AGAP1: variants seen among roughly 807,000 people sequenced by gnomAD.
The protein encoded by AGAP1 is arf-GAP with GTPase, ANK repeat and PH domain-containing protein 1.
A neutral mutation model predicts 105.3 loss-of-function variants in AGAP1; 29 were observed. That is an observed-to-expected ratio of 0.28 (90% CI 0.21 to 0.38). AGAP1 has a LOEUF of 0.38. Ranked by LOEUF, AGAP1 falls within the 10% of genes least tolerant of loss-of-function variation. AGAP1 has a pLI of 1.00. For synonymous variants in AGAP1, 509 were observed against 485.9 expected, an observed-to-expected ratio of 1.05 and a Z score of -0.63; for missense variants, 998 against 1,165.1, an observed-to-expected ratio of 0.86 and a Z score of 2.09.
rs184447819 is a variant in AGAP1 at position 235,739,356 on chromosome 2, T to A, written c.311-1607T>A. On this transcript the variant is annotated intron_variant, in intron 3 of 17. Transcript: ENST00000304032. The surrounding 1 kb of genome is among the most constrained non-coding windows in gnomAD (Gnocchi z 5.3). ...GCTAGAAAAGCATTTCTTTTTTGCCTACGAGGACTCTCGATTCAGGGACCC... is the reference window on the plus strand; with the variant it reads ...GCTAGAAAAGCATTTCTTTTTTGCCAACGAGGACTCTCGATTCAGGGACCC... Among the ~76,000 whole-genome samples, 48 of 152,360 alleles carry A rather than the reference T, an allele frequency of 3.2e-4. No individual in the cohort carries two copies. The highest frequency in any genetic ancestry group is 9.9e-4 in the African/African-American group (41 of 41,594).
At chr2:235,775,527 GCT>G (rs1282234488) in intron 6 of AGAP1, 1 of 152,044 alleles carries the variant, frequency 6.6e-6, no homozygotes, top group East Asian at 1.9e-4. Flanking sequence ...AATGTACTTT[GCT>G]CTGTTATTGT....
chr2:235,969,010 A>C (rs1274674411), intron 13 of AGAP1, among the ~76,000 whole-genome samples: 1 of 152,180 alleles, frequency 6.6e-6, no homozygotes, highest in Non-Finnish European at 1.5e-5. Flanking sequence ...CTAGTTTAGG[A>C]ATCATCTCTG....
At position 236,062,654 on chromosome 2, in the gene AGAP1, GTTTGTTTGTT is replaced by G. The variant is rs201460821; in HGVS notation, c.2114+13385_2114+13394del. ...CCACACTCAGCTATTTTGTTTGTTT[GTTTGTTTGTT>G]TTTGTTTGTTTGTTTGAGATGGAAT... On this transcript the variant is annotated intron_variant, in intron 16 of 17. Coordinates refer to ENST00000304032, the MANE Select transcript of AGAP1 (RefSeq NM_001037131.3). This position sits in a 1 kb window ranked among gnomAD's most constrained non-coding sequence, Gnocchi z 4.2. 9.2e-3 allele frequency among the ~76,000 whole-genome samples: 1,399 copies of G among 151,414 alleles called. 19 individuals carry two copies. The highest frequency in any genetic ancestry group is 0.031 in the African/African-American group (1,295 of 41,180).
At position 236,009,492 on chromosome 2, in the gene AGAP1, G is replaced by A. The variant is rs1008212056; in HGVS notation, c.1646-27069G>A. ...CAACAGTGACATTTATACTGATGGC[G>A]TCTTTTTAAATAAATTAATACATGT... is the stretch of plus-strand genomic sequence containing the variant. On this transcript the variant is annotated intron_variant, in intron 13 of 17. Coordinates refer to ENST00000304032, the MANE Select transcript of AGAP1 (RefSeq NM_001037131.3). The surrounding 1 kb of genome is among the most constrained non-coding windows in gnomAD (Gnocchi z 4.2). Among the ~76,000 whole-genome samples, 2 of 152,286 alleles carry A rather than the reference G, an allele frequency of 1.3e-5. No individual in the cohort carries two copies. The highest frequency in any genetic ancestry group is 4.8e-5 in the African/African-American group (2 of 41,560).
intron 12 of AGAP1, among the ~76,000 whole-genome samples, chr2:235,955,852 G>A (rs2053924880): frequency 1.3e-5 from 2 of 152,156 alleles, no homozygotes; most frequent in African/African-American, 2.4e-5. Flanking sequence ...GTGGCCAGGT[G>A]CATTCAGGAC....
At chr2:235,913,399 T>A (rs955472569) in intron 11 of AGAP1, among the ~76,000 whole-genome samples, 1 of 152,222 alleles carries the variant, frequency 6.6e-6, no homozygotes. Flanking sequence ...CTAATTGAAT[T>A]TTTTATTCAA....
At chr2:235,819,904 C>CTTTTTTTTTTT (rs1179307250) in intron 9 of AGAP1, among the ~76,000 whole-genome samples, 2 of 130,272 alleles carry the variant, frequency 1.5e-5, no homozygotes, top group Non-Finnish European at 1.6e-5. Context: ...TTCTTTCTTT[C>CTTTTTTTTTTT]TTTTTTTTTT....
intron 12 of AGAP1, among the ~76,000 whole-genome samples, chr2:235,948,652 A>G (rs571765082): frequency 1.6e-4 from 25 of 152,258 alleles, no homozygotes; most frequent in African/African-American, 5.8e-4. Context: ...TTGTAGCGCT[A>G]GAGATGGGTC....
intron 9 of AGAP1, among the ~76,000 whole-genome samples, chr2:235,832,587 G>T (rs1959560581): frequency 6.6e-6 from 1 of 152,214 alleles, no homozygotes; most frequent in South Asian, 2.1e-4. Context: ...AGACATTCTA[G>T]ACTTCATTGC....
chr2:235,782,325 A>G (rs1226825959), intron 6 of AGAP1, among the ~76,000 whole-genome samples: 1 of 151,936 alleles, frequency 6.6e-6, no homozygotes, highest in Non-Finnish European at 1.5e-5. Context: ...TGTCTTTACC[A>G]TCTTTCTCAT....
At chr2:235,840,716 A>T (rs1211936737) in intron 9 of AGAP1, among the ~76,000 whole-genome samples, 1 of 151,914 alleles carries the variant, frequency 6.6e-6, no homozygotes, top group African/African-American at 2.4e-5. Context: ...AGTAGAATAG[A>T]TAGGACCGAT....
chr2:235,670,796 AAG>A, intron 1 of AGAP1: 1 of 1,356,738 alleles, frequency 7.4e-7, no homozygotes. Context: ...GGAACGCAGT[AAG>A]AGCAAGAACC....
At position 236,127,350 on chromosome 2, in the gene AGAP1, A is replaced by G. The variant is rs897287825; in HGVS notation, c.*3228A>G. 2.6e-5 allele frequency: 4 copies of G among 152,232 alleles called. No individual in the cohort carries two copies. Among genetic ancestry groups the G allele is most frequent in the African/African-American group, 9.7e-5 (4 of 41,442 alleles). The allele number at this position is 152,232 out of a possible 1,614,324, so 9.4% of individuals were successfully genotyped here. On this transcript the variant is annotated 3_prime_UTR_variant, in exon 18 of 18. Transcript: ENST00000304032. This position sits in a 1 kb window ranked among gnomAD's most constrained non-coding sequence, Gnocchi z 6.6. The stretch of plus-strand genomic sequence containing the variant: ...GGAAATGAGCAGCTCGAGGGTGAGC[A>G]AGTGACAAGTTCCTGAGTCACTGGC...
chr2:235,968,334 T>C (rs778210332), intron 12 of AGAP1, 128 bp from the exon 13 acceptor site: 10 of 1,235,930 alleles, frequency 8.1e-6, no homozygotes, highest in Non-Finnish European at 1.1e-5. Flanking sequence ...AATACAGTAA[T>C]GGGATGTTAT....
chr2:235,681,434 G>A (rs1356998803), intron 1 of AGAP1, among the ~76,000 whole-genome samples: 1 of 152,142 alleles, frequency 6.6e-6, no homozygotes, highest in Non-Finnish European at 1.5e-5. Context: ...GCAAACCTAG[G>A]CCTCTGTCCT....
chr2:235,761,076 A>G (rs189433982), intron 6 of AGAP1, among the ~76,000 whole-genome samples: 28 of 152,376 alleles, frequency 1.8e-4, no homozygotes, highest in Admixed American at 1.8e-3. Context: ...GTGACACCCA[A>G]GGAACCTATA....
In AGAP1 at chr2:235,962,217, G is replaced by C. The variant is rs1049334670; in HGVS notation, c.1484-6245G>C. On this transcript the variant is annotated intron_variant, in intron 12 of 17. Coordinates refer to ENST00000304032, the MANE Select transcript of AGAP1 (RefSeq NM_001037131.3). The surrounding 1 kb of genome is among the most constrained non-coding windows in gnomAD (Gnocchi z 5.3). Reference sequence around the variant, plus strand: ...ACTACAGAAGTGAGGTAGGATTGAAGGGCAGGCCAGAGGCCACTGAGGGGT... The same window carrying C: ...ACTACAGAAGTGAGGTAGGATTGAACGGCAGGCCAGAGGCCACTGAGGGGT... Among the ~76,000 whole-genome samples, 3 of 152,118 alleles carry C rather than the reference G, an allele frequency of 2.0e-5. No individual in the cohort carries two copies. Among genetic ancestry groups the C allele is most frequent in the African/African-American group, 7.2e-5 (3 of 41,434 alleles).
In AGAP1 at chr2:235,968,422, A is replaced by T. The variant is rs1373880762; in HGVS notation, c.1484-40A>T. ...TCTGCTTTGTAAGTGCTCACTCTGC[A>T]TTTTTTTTTTTTTTTTTGCCTTTTC... On this transcript the variant is annotated intron_variant, in intron 12 of 17. Transcript: ENST00000304032. The T allele has an allele frequency of 3.5e-4, 508 of 1,452,124 alleles. 1 individual carries two copies. In the African/African-American group the frequency reaches 5.7e-3, roughly 16 times the overall value. The allele number at this position is 1,452,124 out of a possible 1,614,324, so 90.0% of individuals were successfully genotyped here.
rs1336398399 is a variant in AGAP1, at chr2:235,721,085, C to G, written c.310+3441C>G. Among the ~76,000 whole-genome samples, 2 of 152,106 alleles carry G rather than the reference C, an allele frequency of 1.3e-5. No homozygotes were observed. Among genetic ancestry groups the G allele is most frequent in the African/African-American group, 2.4e-5 (1 of 41,410 alleles). On this transcript the variant is annotated intron_variant, in intron 3 of 17. Coordinates refer to ENST00000304032, the MANE Select transcript of AGAP1 (RefSeq NM_001037131.3). The surrounding 1 kb of genome is among the most constrained non-coding windows in gnomAD (Gnocchi z 4.5). ...TGCAGTGGCGTGATCTCAGCTCACT[C>G]CAACCTCTGCCTCCAGGATTCAAGT...
Sources: gnomAD v4.1 joint callset for allele counts (sites outside exome capture counted in the v4.1 genomes callset) on GRCh38, gnomAD v4.1.1 for gene constraint, Gnocchi (gnomAD v3.1) non-coding constraint, MANE v1.5 for transcripts, NCBI Gene and HGNC (gene_info 2026-07-23, HGNC 2026-07-21) for gene names.